HK3: variants seen among roughly 807,000 people sequenced by gnomAD.
The protein encoded by HK3 is hexokinase-3.
A neutral mutation model predicts 91.0 loss-of-function variants in HK3; 93 were observed. That is an observed-to-expected ratio of 1.02 (90% CI 0.86 to 1.21). HK3 has a LOEUF of 1.21. HK3 is among the 50% of genes most tolerant of loss of function. HK3 has a pLI of 0.00. For synonymous variants in HK3, 519 were observed against 516.9 expected, an observed-to-expected ratio of 1.00 and a Z score of -0.06; for missense variants, 1,235 against 1,247.4, an observed-to-expected ratio of 0.99 and a Z score of 0.15.
At position 176,881,322 on chromosome 5, in the gene HK3, C is replaced by A. The variant is rs142135875; in HGVS notation, c.2607G>T (p.Thr869=). Residue 869 remains threonine, a synonymous_variant, in exon 18 of 19, where the codon ACG becomes ACT. Coordinates refer to ENST00000292432, the MANE Select transcript of HK3 (RefSeq NM_002115.3). ...ELAVSVGVDG[T]LYKLHPRFSS... ...CTCACCGCGGGTGCAGCTTGTAGAGCGTTCCATCCACCCCCACAGACACTG... is the reference window on the plus strand; with the variant it reads ...CTCACCGCGGGTGCAGCTTGTAGAGAGTTCCATCCACCCCCACAGACACTG... The A allele has an allele frequency of 6.2e-7, 1 of 1,613,952 alleles. No individual in the cohort carries two copies. The highest frequency in any genetic ancestry group is 8.5e-7 in the Non-Finnish European group (1 of 1,179,982).
At position 176,888,793 on chromosome 5, in the gene HK3, C is replaced by A. The variant is rs1408744914; in HGVS notation, c.986G>T (p.Cys329Phe). ...GGTGCAGCCACCAAAGAGGACCCCA[C>A]ACCGGGCCAAGTGAGCCAGCACCAG... is the stretch of plus-strand genomic sequence containing the variant. ...VRLVLAHLAR[C>F]GVLFGGCTSP... Residue 329 changes from cysteine to phenylalanine, a missense_variant, in exon 9 of 19, where the codon TGT becomes TTT. By Grantham distance (205) the Cys-to-Phe change is radical. Coordinates refer to ENST00000292432, the MANE Select transcript of HK3 (RefSeq NM_002115.3). 2 of 1,614,056 alleles carry A rather than the reference C, an allele frequency of 1.2e-6. No homozygotes were observed. Among genetic ancestry groups the A allele is most frequent in the African/African-American group, 1.3e-5 (1 of 74,914 alleles).
intron 8 of HK3, 143 bp from the exon 9 acceptor site, chr5:176,889,007 A>G (rs943291330): frequency 1.1e-6 from 1 of 919,414 alleles, no homozygotes; most frequent in Non-Finnish European, 1.6e-6. Context: ...AGCCTCCCAG[A>G]GGACAGGTGG....
chr5:176,895,634 C>CA (rs1758892645), intron 2 of HK3, among the ~76,000 whole-genome samples: 1 of 152,144 alleles, frequency 6.6e-6, no homozygotes, highest in South Asian at 2.1e-4. Context: ...GTAGCGGCTA[C>CA]ATTGAGGGAG....
chr5:176,889,288 C>T (rs1383291824), intron 8 of HK3, 93 bp downstream of exon 8: 1 of 1,397,654 alleles, frequency 7.2e-7, no homozygotes, highest in African/African-American at 1.4e-5. Flanking sequence ...AGGGAGGGGC[C>T]TAAGGGCCTG....
chr5:176,890,282 T>G (rs1282081161), intron 6 of HK3, among the ~76,000 whole-genome samples: 1 of 152,236 alleles, frequency 6.6e-6, no homozygotes, highest in Non-Finnish European at 1.5e-5. Context: ...GCTTCCTCCG[T>G]AGTGCTCCCA....
At chr5:176,893,403 G>C (rs890605515) in intron 2 of HK3, among the ~76,000 whole-genome samples, 1 of 152,174 alleles carries the variant, frequency 6.6e-6, no homozygotes, top group African/African-American at 2.4e-5. Context: ...TGGCTCTGCA[G>C]TCCTGGGAAA....
chr5:176,883,780 G>A lies in HK3; in HGVS notation c.2043C>T (p.Gly681=), dbSNP rs750004073. The change falls in exon 15 of 19, where the codon GGC becomes GGT. Residue 681 remains glycine, a synonymous_variant. Coordinates refer to ENST00000292432, the MANE Select transcript of HK3 (RefSeq NM_002115.3). ...CAGGGCCCTCCTCACCGACAATGAG[G>A]CCTATCTCGCAACGGGGGTCCTCAT... The part of the protein sequence containing the change: ...CGYEDPRCEI[G]LIVGTGTNAC... The A allele has an allele frequency of 6.2e-6, 10 of 1,613,348 alleles. No individual in the cohort carries two copies. The African/African-American group carries it at 6.7e-5, about 11-fold the overall frequency.
Position 176,884,774 on chromosome 5 carries a change from G to A in HK3, c.1858-640C>T, listed in dbSNP as rs545229238. On this transcript the variant is annotated intron_variant, in intron 13 of 18. Transcript: ENST00000292432. This position sits in a 1 kb window ranked among gnomAD's most constrained non-coding sequence, Gnocchi z 4.1. The stretch of plus-strand genomic sequence containing the variant: ...AAGGAATGCTGTTTTCTTAGTGTGC[G>A]TCCTCTGAGGGAGGGGGCAGGGGGA... Among the ~76,000 whole-genome samples, 28 of 152,306 alleles carry A rather than the reference G, an allele frequency of 1.8e-4. No homozygotes were observed. In the South Asian group the frequency reaches 3.3e-3, roughly 18 times the overall value.
Position 176,889,626 on chromosome 5 carries a change from C to A in HK3, c.730+19G>T. The A allele has an allele frequency of 4.3e-6, 7 of 1,614,210 alleles. No individual in the cohort carries two copies. Among genetic ancestry groups the A allele is most frequent in the Non-Finnish European group, 5.9e-6 (7 of 1,180,018 alleles). On this transcript the variant is annotated intron_variant, in intron 7 of 18. Transcript: ENST00000292432. ...GCAGCACACCCTCCACCTGTCATCA[C>A]AAATGGTCCATGGCTCACCTACAAC...
rs1403145131 is a variant in HK3, at chr5:176,887,034, A to C, written c.1825T>G (p.Ser609Ala). The C allele has an allele frequency of 6.2e-7, 1 of 1,614,140 alleles. No individual in the cohort carries two copies. Among genetic ancestry groups the C allele is most frequent in the Non-Finnish European group, 8.5e-7 (1 of 1,180,006 alleles). The stretch of plus-strand genomic sequence containing the variant: ...AGGCCAAGCTGCCTACATGGGAAGG[A>C]GAAGGTAAAACCCAGTGGGAGGCTC... ...GQSLPLGFTFSFPCRQLGLDQ... is the reference protein window; with the variant it reads ...GQSLPLGFTFAFPCRQLGLDQ... Residue 609 changes from serine to alanine, a missense_variant, in exon 13 of 19, where the codon TCC becomes GCC. Physicochemically the swap from Ser to Ala is moderately conservative, Grantham distance 99. This residue lies in a region of HK3 where 513 missense variants were observed against 477.4 expected (regional missense o/e 1.07). Coordinates refer to ENST00000292432, the MANE Select transcript of HK3 (RefSeq NM_002115.3). This position sits in a 1 kb window ranked among gnomAD's most constrained non-coding sequence, Gnocchi z 4.9.
intron 13 of HK3, among the ~76,000 whole-genome samples, 161 bp downstream of exon 13, chr5:176,886,841 G>A (rs1343607967): frequency 6.6e-6 from 1 of 152,048 alleles, no homozygotes; most frequent in East Asian, 1.9e-4. Flanking sequence ...CCCTGTCTGG[G>A]GAAACTGAGG....
chr5:176,896,839 TA>T (rs1420264816), intron 1 of HK3, among the ~76,000 whole-genome samples: 1 of 152,068 alleles, frequency 6.6e-6, no homozygotes, highest in Admixed American at 6.5e-5. Context: ...CTTCCATCCA[TA>T]AAACAGGAGG....
At chr5:176,883,723 G>A (rs768440445) in intron 15 of HK3, 47 bp downstream of exon 15, 1 of 1,459,886 alleles carries the variant, frequency 6.8e-7, no homozygotes. Flanking sequence ...ACAGAAGGCA[G>A]CAAATTGCCA....
chr5:176,892,223 T>C (rs1200074319), intron 2 of HK3, among the ~76,000 whole-genome samples: 1 of 152,164 alleles, frequency 6.6e-6, no homozygotes. Flanking sequence ...CCAGTAGTGA[T>C]GGTGGCTATT....
Position 176,890,694 on chromosome 5 carries a change from T to A in HK3, c.571A>T (p.Ser191Cys). ...LISWTKGFRC[S>C]GVEGQDVVQL... ...ACCACATCCTGGCCTTCCACACCAC[T>A]GCACCTAAAACCTTTGGTCCAGGAA... Residue 191 changes from serine (S) to cysteine (C), a missense_variant, in exon 6 of 19, where the codon AGT (serine) becomes TGT (cysteine). Physicochemically the swap from Ser to Cys is moderately radical, Grantham distance 112 (BLOSUM62 -1). This residue lies in a region of HK3 where 717 missense variants were observed against 751.6 expected (regional missense o/e 0.95). Transcript: ENST00000292432. 1.2e-6 allele frequency: 2 copies of A among 1,614,166 alleles called. No individual in the cohort carries two copies. The highest frequency in any genetic ancestry group is 1.7e-6 in the Non-Finnish European group (2 of 1,180,014).
chr5:176,896,112 C>T lies in HK3; in HGVS notation c.48G>A (p.Leu16=). 1 of 1,613,208 alleles carries T rather than the reference C, an allele frequency of 6.2e-7. No individual in the cohort carries two copies. Among genetic ancestry groups the T allele is most frequent in the South Asian group, 1.1e-5 (1 of 90,970 alleles). The change falls in exon 2 of 19, where the codon CTG becomes CTA. Residue 16 remains leucine, a synonymous_variant. Coordinates refer to ENST00000292432, the MANE Select transcript of HK3 (RefSeq NM_002115.3). ...CGGGCAAGCCCTCCTCAGAGCAACT[C>T]AGGGTTTCTTCCCCCTGCCGCAACC... ...SSGLRQGEET[L]SCSEEGLPGP... is the part of the protein sequence containing the mutation.
intron 2 of HK3, among the ~76,000 whole-genome samples, chr5:176,894,498 C>A (rs116826319): frequency 6.6e-6 from 1 of 152,214 alleles, no homozygotes; most frequent in Non-Finnish European, 1.5e-5. Flanking sequence ...TGACAGCAGG[C>A]CCTAGAGCCA....
At chr5:176,891,640 C>T (rs1758778493) in intron 2 of HK3, 90 bp from the exon 3 acceptor site, 2 of 1,314,666 alleles carry the variant, frequency 1.5e-6, no homozygotes, top group Non-Finnish European at 1.0e-6. Flanking sequence ...CTGCCCTGCC[C>T]AGCCCACTCC....
In HK3 at chr5:176,882,109, C is replaced by T; in HGVS notation, c.2072G>A (p.Cys691Tyr). 1 of 1,613,102 alleles carries T rather than the reference C, an allele frequency of 6.2e-7. No individual in the cohort carries two copies. Among genetic ancestry groups the T allele is most frequent in the East Asian group, 2.2e-5 (1 of 44,890 alleles). ...CACATTCCGGAGCTCCTCCATGTAG[C>T]AGGCATTGGTGCCGGTTCCTGCAGA... ...GLIVGTGTNA[C>Y]YMEELRNVAG... Residue 691 changes from cysteine (C) to tyrosine (Y), a missense_variant, in exon 16 of 19, where the codon TGC becomes TAC. Coordinates refer to ENST00000292432, the MANE Select transcript of HK3 (RefSeq NM_002115.3).
Sources: allele counts gnomAD v4.1 joint callset (sites outside exome capture counted in the v4.1 genomes callset), GRCh38; gene constraint gnomAD v4.1.1; regional missense constraint gnomAD v4.1.1; non-coding constraint Gnocchi (gnomAD v3.1); transcripts MANE v1.5; gene names NCBI Gene and HGNC (gene_info 2026-07-23, HGNC 2026-07-21).